PTPDC1: variants seen among roughly 807,000 people sequenced by gnomAD.
The protein encoded by PTPDC1 is protein tyrosine phosphatase domain-containing protein 1.
A neutral mutation model predicts 75.3 loss-of-function variants in PTPDC1; 53 were observed. The ratio of observed to expected loss-of-function variants is 0.70; its 90% CI spans 0.56 to 0.88. PTPDC1 has a LOEUF of 0.88. PTPDC1 is among the 40% of genes least tolerant of loss of function. The pLI, the probability that PTPDC1 is intolerant of heterozygous loss-of-function variation, is 0.00. For synonymous variants in PTPDC1, 349 were observed against 366.2 expected (o/e 0.95, Z 0.54); for missense variants, 925 against 998.6 (o/e 0.93, Z 0.99).
At chr9:94,097,263 T>C in intron 5 of PTPDC1, 58 bp from the exon 6 acceptor site, 2 of 1,119,922 alleles carry the variant, frequency 1.8e-6, no homozygotes, top group Non-Finnish European at 2.6e-6. Context: ...GAGTGATAAA[T>C]AAAATAAATA....
intron 5 of PTPDC1, 77 bp from the exon 6 acceptor site, chr9:94,097,244 A>T: frequency 1.1e-6 from 1 of 944,002 alleles, no homozygotes; most frequent in Non-Finnish European, 1.6e-6. Flanking sequence ...CAAATTGTAA[A>T]TCATCAAAGA....
chr9:94,084,447 C>T, upstream of PTPDC1: 3 of 1,566,094 alleles, frequency 1.9e-6, no homozygotes, highest in Non-Finnish European at 2.6e-6. Context: ...CAGAACGATG[C>T]AATGCTCCCT....
intron 4 of PTPDC1, among the ~76,000 whole-genome samples, chr9:94,089,067 T>A (rs950453576): frequency 7.3e-5 from 11 of 150,096 alleles, no homozygotes; most frequent in African/African-American, 2.7e-4. Flanking sequence ...TACATTTTTA[T>A]TTTATTTTTT....
intron 4 of PTPDC1, among the ~76,000 whole-genome samples, chr9:94,093,863 C>G (rs1412523964): frequency 6.7e-6 from 1 of 148,826 alleles, no homozygotes; most frequent in East Asian, 2.0e-4. Context: ...CCCTTTCTTC[C>G]AGTTGATCGC....
chr9:94,057,028 G>A (rs1179952818), intron 1 of PTPDC1, among the ~76,000 whole-genome samples: 1 of 152,202 alleles, frequency 6.6e-6, no homozygotes, highest in Non-Finnish European at 1.5e-5. Context: ...CCAGGCATAT[G>A]ATATAAGTTC....
At chr9:94,060,676 A>G (rs1317888265) in intron 1 of PTPDC1, among the ~76,000 whole-genome samples, 2 of 152,140 alleles carry the variant, frequency 1.3e-5, no homozygotes, top group Non-Finnish European at 2.9e-5. Context: ...ATCTTACATG[A>G]CAGAAGCAGG....
chr9:94,067,315 G>C (rs1452580154), intron 2 of PTPDC1, among the ~76,000 whole-genome samples: 1 of 151,814 alleles, frequency 6.6e-6, no homozygotes, highest in Non-Finnish European at 1.5e-5. Flanking sequence ...GCTTGAACCC[G>C]GGAGGTAGAG....
intron 1 of PTPDC1, among the ~76,000 whole-genome samples, chr9:94,046,207 T>C (rs1466220206): frequency 6.6e-6 from 1 of 152,222 alleles, no homozygotes; most frequent in African/African-American, 2.4e-5. Flanking sequence ...GGTCTATATC[T>C]CTGCTTTGGT....
intron 4 of PTPDC1, among the ~76,000 whole-genome samples, chr9:94,095,036 T>A (rs568804818): frequency 7.9e-4 from 120 of 152,364 alleles, no homozygotes; most frequent in African/African-American, 2.8e-3. Context: ...ATCACCCGTC[T>A]TCTGCGTCGC....
upstream of PTPDC1, among the ~76,000 whole-genome samples, chr9:94,080,176 T>C (rs1826830293): frequency 6.6e-6 from 1 of 152,098 alleles, no homozygotes; most frequent in Non-Finnish European, 1.5e-5. Flanking sequence ...AAAGCCCAGA[T>C]GGGATGAGAG....
chr9:94,046,241 A>G (rs1028850224), intron 1 of PTPDC1, among the ~76,000 whole-genome samples: 4 of 152,130 alleles, frequency 2.6e-5, no homozygotes, highest in African/African-American at 9.7e-5. Flanking sequence ...TGTTTTGGTT[A>G]CTGTAGCCTT....
rs1258741149 is a variant in PTPDC1 at position 94,084,920 on chromosome 9, T to C, written c.244+146T>C. ...GTCTGTTATGCTATTTTAGTGAATA[T>C]ATAAGAGGATATAAAATGATCAAAT... On this transcript the variant is annotated intron_variant, in intron 1 of 8. Coordinates refer to ENST00000620992, the MANE Select transcript of PTPDC1 (RefSeq NM_001253829.2). 2.6e-4 allele frequency: 160 copies of C among 623,808 alleles called. No homozygotes were observed. In the East Asian group the frequency reaches 4.5e-3, roughly 18 times the overall value. 38.6% of individuals were successfully genotyped at this position (623,808 alleles called of 1,614,324 possible). A position where few individuals can be genotyped will look rare whatever the true frequency, so the allele number is the denominator to read the frequency against.
In PTPDC1 at chr9:94,095,468, G is replaced by T. The variant is rs1187423197; in HGVS notation, c.754+14G>T. 2 of 1,598,204 alleles carry T rather than the reference G, an allele frequency of 1.3e-6. No individual in the cohort carries two copies. The highest frequency in any genetic ancestry group is 3.5e-5 in the Admixed American group (2 of 56,740). On this transcript the variant is annotated intron_variant, in intron 5 of 8. Coordinates refer to ENST00000620992, the MANE Select transcript of PTPDC1 (RefSeq NM_001253829.2). Reference sequence around the variant, plus strand: ...TTGGTCGAACAGGTAGGTCCTAAGAGGTGGTTTATTGCCTGTAGGCATATT... The same window carrying T: ...TTGGTCGAACAGGTAGGTCCTAAGATGTGGTTTATTGCCTGTAGGCATATT...
At chr9:94,091,446 G>A (rs1462985263) in intron 4 of PTPDC1, among the ~76,000 whole-genome samples, 2 of 152,008 alleles carry the variant, frequency 1.3e-5, no homozygotes, top group Admixed American at 1.3e-4. Flanking sequence ...GTTGATCATG[G>A]TGGATAAGCT....
At position 94,097,868 on chromosome 9, in the gene PTPDC1, C is replaced by T. The variant is rs377361896; in HGVS notation, c.1302C>T (p.Cys434=). 8.1e-6 allele frequency: 13 copies of T among 1,614,068 alleles called. No homozygotes were observed. Among genetic ancestry groups the T allele is most frequent in the Non-Finnish European group, 1.0e-5 (12 of 1,180,042 alleles). ...TTTGGAAAAGGCGGAATGTTGAGTG[C>T]CTTCAACCCCTGACTCATCTGAAAA... ...DPLWKRRNVE[C]LQPLTHLKRR... is the part of the protein sequence containing the mutation. The change falls in exon 6 of 9, where the codon TGC becomes TGT. Residue 434 remains cysteine (C), a synonymous_variant. Transcript: ENST00000620992.
At chr9:94,088,006 C>A in intron 3 of PTPDC1, 95 bp downstream of exon 3, 1 of 1,448,216 alleles carries the variant, frequency 6.9e-7, no homozygotes, top group Admixed American at 1.7e-5. Context: ...TTCATTTTAA[C>A]AATAGGCAGT....
chr9:94,049,106 A>G (rs893198096), intron 1 of PTPDC1, among the ~76,000 whole-genome samples: 9 of 152,068 alleles, frequency 5.9e-5, no homozygotes, highest in African/African-American at 1.7e-4. Flanking sequence ...GTCTCTGCAC[A>G]TGAGATGGGT....
intron 4 of PTPDC1, among the ~76,000 whole-genome samples, chr9:94,089,286 A>G (rs1430334561): frequency 7.7e-5 from 11 of 143,496 alleles, no homozygotes; most frequent in Non-Finnish European, 1.1e-4. Context: ...GTGTCCATGT[A>G]ATCTCATTGT....
In PTPDC1 at chr9:94,053,621, T is replaced by G. The variant is rs540540730; in HGVS notation, c.-6-11113T>G. ...TGTGGGTAAAATATGTAATTGATAC[T>G]AGGGAAGGCATCCTAAAGGAGAGAA... On this transcript the variant is annotated intron_variant, in intron 1 of 9. Coordinates refer to the PTPDC1 transcript ENST00000375360. Among the ~76,000 whole-genome samples the G allele has an allele frequency of 2.0e-5, 3 of 152,242 alleles. No individual in the cohort carries two copies. The South Asian group carries it at 6.2e-4, about 32-fold the overall frequency.
Sources: gnomAD v4.1 joint callset for allele counts (sites outside exome capture counted in the v4.1 genomes callset) on GRCh38, gnomAD v4.1.1 for gene constraint, MANE v1.5 for transcripts, NCBI Gene and HGNC (gene_info 2026-07-23, HGNC 2026-07-21) for gene names.